The following LYRM4 variants were observed in gnomAD, a reference collection of about 807,000 sequenced individuals.
LYRM4 encodes LYR motif containing 4.
A neutral mutation model predicts 11.7 loss-of-function variants in LYRM4; 9 were observed. The ratio of observed to expected loss-of-function variants is 0.77; its 90% CI spans 0.46 to 1.34. The LOEUF (loss-of-function observed/expected upper bound fraction) is 1.34, where lower values mean the gene tolerates loss of function less well. Among genes scored for constraint, LYRM4 ranks in the 40% most tolerant of loss-of-function variants. The pLI, the probability that LYRM4 is intolerant of heterozygous loss-of-function variation, is 0.00. For synonymous variants in LYRM4, 42 were observed against 40.4 expected (o/e 1.04, Z -0.15); for missense variants, 133 against 112.5 (o/e 1.18, Z -0.82).
chr6:5,240,458 T>C (rs779383673), intron 1 of LYRM4: 4 of 152,154 alleles, frequency 2.6e-5, no homozygotes, highest in African/African-American at 9.7e-5. Flanking sequence ...TCTAAAACAA[T>C]AGCAGCTGGG....
At chr6:5,200,384 G>C (rs957643190) in intron 2 of LYRM4, among the ~76,000 whole-genome samples, 1 of 152,118 alleles carries the variant, frequency 6.6e-6, no homozygotes, top group Non-Finnish European at 1.5e-5. Context: ...ATATTGTCTT[G>C]TGATATCAGC....
At chr6:5,243,279 CACAGCGTGCGGG>C (rs1451454047) in intron 1 of LYRM4, among the ~76,000 whole-genome samples, 1 of 152,218 alleles carries the variant, frequency 6.6e-6, no homozygotes. Flanking sequence ...GCCCGGGGCG[CACAGCGTGCGGG>C]GTTCTAACCT....
intron 1 of LYRM4, among the ~76,000 whole-genome samples, chr6:5,231,725 C>T (rs1032805937): frequency 5.3e-5 from 8 of 152,142 alleles, no homozygotes; most frequent in Admixed American, 2.6e-4. Context: ...ACATGAGACC[C>T]GGAATACAAT....
chr6:5,182,030 A>C (rs1760106578), intron 2 of LYRM4, among the ~76,000 whole-genome samples: 1 of 152,060 alleles, frequency 6.6e-6, no homozygotes, highest in Non-Finnish European at 1.5e-5. Context: ...CTCCCCCCCA[A>C]TCCCCAGACA....
chr6:5,077,500 A>G, the LYRM4 span, among the ~76,000 whole-genome samples: 3 of 152,188 alleles, frequency 2.0e-5, no homozygotes, highest in Non-Finnish European at 2.9e-5. Context: ...CATCAGTTAG[A>G]ATCCTGTCAC....
At chr6:5,199,412 T>C (rs766572964) in intron 2 of LYRM4, among the ~76,000 whole-genome samples, 20 of 152,180 alleles carry the variant, frequency 1.3e-4, no homozygotes, top group Non-Finnish European at 2.9e-4. Flanking sequence ...TGGGGTTTCT[T>C]TCTGCGGTGA....
At chr6:5,066,545 C>A in the LYRM4 span, 1 of 840,286 alleles carries the variant, frequency 1.2e-6, no homozygotes, top group South Asian at 1.3e-5. Context: ...CACAGTGAAT[C>A]ACTTGTAGTT....
At chr6:5,161,912 A>T (rs1468335799) in intron 2 of LYRM4, among the ~76,000 whole-genome samples, 1 of 152,182 alleles carries the variant, frequency 6.6e-6, no homozygotes, top group Non-Finnish European at 1.5e-5. Context: ...TCAAGGGGTG[A>T]TTAGGAAGGG....
intron 2 of LYRM4, among the ~76,000 whole-genome samples, chr6:5,148,621 A>G (rs1757910515): frequency 6.8e-6 from 1 of 146,372 alleles, no homozygotes; most frequent in African/African-American, 2.5e-5. Context: ...TAATGAAAGA[A>G]TTCATATTAG....
intron 1 of LYRM4, among the ~76,000 whole-genome samples, chr6:5,255,087 T>C (rs1010671821): frequency 7.9e-5 from 12 of 152,280 alleles, no homozygotes; most frequent in African/African-American, 2.9e-4. Flanking sequence ...CACAGCTACC[T>C]TCCCCAAACA....
intron 1 of LYRM4, among the ~76,000 whole-genome samples, chr6:5,241,211 G>A (rs942926876): frequency 6.6e-6 from 1 of 152,142 alleles, no homozygotes; most frequent in African/African-American, 2.4e-5. Flanking sequence ...TGTTATGATT[G>A]TATTTGTAAA....
the LYRM4 span, chr6:5,032,663 T>C: frequency 6.6e-6 from 1 of 152,238 alleles, no homozygotes; most frequent in Non-Finnish European, 1.5e-5. Context: ...TGTAGTTTTA[T>C]TATGAATTAG....
chr6:5,185,882 G>A (rs989345532), intron 2 of LYRM4, among the ~76,000 whole-genome samples: 3 of 152,288 alleles, frequency 2.0e-5, no homozygotes, highest in African/African-American at 7.2e-5. Context: ...GAGGGACAGA[G>A]TGGGAGGGCC....
At chr6:5,257,255 C>A (rs1043361113) in intron 1 of LYRM4, among the ~76,000 whole-genome samples, 1 of 152,146 alleles carries the variant, frequency 6.6e-6, no homozygotes, top group East Asian at 1.9e-4. Flanking sequence ...GTCACCGCCC[C>A]CCCAACCCCA....
intron 2 of LYRM4, among the ~76,000 whole-genome samples, chr6:5,143,203 C>T (rs1257391832): frequency 6.3e-5 from 4 of 63,658 alleles, no homozygotes; most frequent in South Asian, 5.7e-4. Context: ...GCACCACAAG[C>T]GGATCTTCTG....
chr6:5,244,044 T>C (rs1340228109), intron 1 of LYRM4, among the ~76,000 whole-genome samples: 1 of 152,258 alleles, frequency 6.6e-6, no homozygotes, highest in Admixed American at 6.5e-5. Flanking sequence ...AGTCTAAAGA[T>C]GGTCCCAGAC....
chr6:5,094,094 A>G, the LYRM4 span, among the ~76,000 whole-genome samples: 1 of 152,240 alleles, frequency 6.6e-6, no homozygotes, highest in Non-Finnish European at 1.5e-5. Context: ...ATGAGCCACT[A>G]TTGTGGATGG....
the LYRM4 span, among the ~76,000 whole-genome samples, chr6:5,073,294 C>T: frequency 4.3e-4 from 65 of 152,062 alleles, no homozygotes; most frequent in African/African-American, 1.6e-3. Flanking sequence ...CATTTGAACC[C>T]GGGAAGTGGA....
chr6:5,129,168 G>T (rs544067432), intron 2 of LYRM4, among the ~76,000 whole-genome samples: 74 of 152,318 alleles, frequency 4.9e-4, no homozygotes, highest in Admixed American at 2.6e-3. Flanking sequence ...CACTCAGCTG[G>T]GAATATGGGA....
Sources: allele counts gnomAD v4.1 joint callset (sites outside exome capture counted in the v4.1 genomes callset), GRCh38; gene constraint gnomAD v4.1.1; transcripts MANE v1.5; gene names NCBI Gene and HGNC (gene_info 2026-07-23, HGNC 2026-07-21).